CYP2U1: variants seen among roughly 807,000 people sequenced by gnomAD.
CYP2U1 encodes the protein cytochrome P450 2U1.
Under a neutral mutation model 42.8 loss-of-function variants are expected in CYP2U1, and 28 were observed. The ratio of observed to expected loss-of-function variants is 0.65; its 90% confidence interval spans 0.48 to 0.90. The LOEUF (loss-of-function observed/expected upper bound fraction) is 0.90. CYP2U1 is among the 40% of genes least tolerant of loss of function. The pLI, the probability that CYP2U1 is intolerant of heterozygous loss-of-function variation, is 0.00. For synonymous variants in CYP2U1, 296 were observed against 278.9 expected, an observed-to-expected ratio of 1.06 and a Z score of -0.61; for missense variants, 642 against 693.8, an observed-to-expected ratio of 0.93 and a Z score of 0.84.
rs764450466 is a variant in CYP2U1, at chr4:107,945,402, C to G, written c.923C>G (p.Ser308Cys). ...LKKIIKDHQESLDRENPQDFI... is the reference protein window; with the variant it reads ...LKKIIKDHQECLDRENPQDFI... ...AAAATCATCAAAGACCATCAAGAGTCTCTGGATAGAGAGAACCCTCAGGAC... is the reference window on the plus strand; with the variant it reads ...AAAATCATCAAAGACCATCAAGAGTGTCTGGATAGAGAGAACCCTCAGGAC... The change falls in exon 2 of 5, where the codon TCT (serine) becomes TGT (cysteine). Residue 308 changes from serine to cysteine, a missense_variant. Transcript: ENST00000332884. 73 of 1,613,994 alleles carry G rather than the reference C, an allele frequency of 4.5e-5. 1 individual carries two copies. Among genetic ancestry groups the G allele is most frequent in the Non-Finnish European group, 6.2e-5 (73 of 1,179,972 alleles).
At chr4:107,947,862 C>G (rs1314829400) in intron 3 of CYP2U1, among the ~76,000 whole-genome samples, 1 of 152,180 alleles carries the variant, frequency 6.6e-6, no homozygotes, top group Non-Finnish European at 1.5e-5. Context: ...AAAGGCACCT[C>G]TCCCTCCTTT....
chr4:107,931,625 G>C lies in CYP2U1; in HGVS notation c.-19G>C. 4.8e-6 allele frequency: 6 copies of C among 1,252,544 alleles called. No homozygotes were observed. Among genetic ancestry groups the C allele is most frequent in the East Asian group, 3.1e-5 (1 of 31,804 alleles). The allele number at this position is 1,252,544 out of a possible 1,614,324, so 77.6% of individuals were successfully genotyped here. On this transcript the variant is annotated 5_prime_UTR_variant, in exon 1 of 5. Transcript: ENST00000332884. Reference sequence around the variant, plus strand: ...CCTCCAGGCAGCAAGGGGAACCCGAGGCCGCCGGCGCCCGGACCATGTCGT... The same window carrying C: ...CCTCCAGGCAGCAAGGGGAACCCGACGCCGCCGGCGCCCGGACCATGTCGT...
intron 1 of CYP2U1, among the ~76,000 whole-genome samples, chr4:107,943,220 A>C (rs1387779555): frequency 1.3e-5 from 2 of 152,264 alleles, no homozygotes; most frequent in Admixed American, 6.5e-5. Flanking sequence ...TATTCTGAAC[A>C]AATGAGAACA....
At chr4:107,943,418 C>A (rs1733568863) in intron 1 of CYP2U1, among the ~76,000 whole-genome samples, 1 of 152,204 alleles carries the variant, frequency 6.6e-6, no homozygotes, top group Non-Finnish European at 1.5e-5. Context: ...AGAAATTCGC[C>A]TCCCATGCGT....
At chr4:107,943,106 C>T (rs1733555728) in intron 1 of CYP2U1, among the ~76,000 whole-genome samples, 1 of 152,184 alleles carries the variant, frequency 6.6e-6, no homozygotes, top group South Asian at 2.1e-4. Context: ...GCTGCTCTGA[C>T]CCACTGGTAA....
chr4:107,931,601 C>T lies in CYP2U1; in HGVS notation c.-43C>T, dbSNP rs1472062647. On this transcript the variant is annotated 5_prime_UTR_variant, in exon 1 of 5. Transcript: ENST00000332884. ...GGTCAGGCAGCTGCGTGCGCGTCTCCTCCAGGCAGCAAGGGGAACCCGAGG... is the reference window on the plus strand; with the variant it reads ...GGTCAGGCAGCTGCGTGCGCGTCTCTTCCAGGCAGCAAGGGGAACCCGAGG... 2 of 1,244,806 alleles carry T rather than the reference C, an allele frequency of 1.6e-6. No homozygotes were observed. The highest frequency in any genetic ancestry group is 6.3e-5 in the East Asian group (2 of 31,758). 77.1% of individuals were successfully genotyped at this position (1,244,806 alleles called of 1,614,324 possible). A position where few individuals can be genotyped will look rare whatever the true frequency, so the allele number is the denominator to read the frequency against.
At chr4:107,934,364 G>A (rs1733173514) in intron 1 of CYP2U1, among the ~76,000 whole-genome samples, 2 of 152,100 alleles carry the variant, frequency 1.3e-5, no homozygotes, top group South Asian at 2.1e-4. Flanking sequence ...CAGCAGATAT[G>A]TGTGCTACAT....
chr4:107,935,388 T>C (rs1384106097), intron 1 of CYP2U1, among the ~76,000 whole-genome samples: 3 of 152,214 alleles, frequency 2.0e-5, no homozygotes, highest in Non-Finnish European at 1.5e-5. Flanking sequence ...GACAGGATTT[T>C]CTTAGGCAAT....
chr4:107,948,261 CAAAA>C (rs35791632), intron 3 of CYP2U1, among the ~76,000 whole-genome samples: 13 of 95,400 alleles, frequency 1.4e-4, no homozygotes, highest in African/African-American at 2.1e-4. Flanking sequence ...GCCTCTGTCT[CAAAA>C]AAAAAAAAAA....
rs1456736313 is a variant in CYP2U1 at position 107,932,077 on chromosome 4, A to T, written c.434A>T (p.Glu145Val). Residue 145 changes from glutamate (E) to valine (V), a missense_variant, in exon 1 of 5, where the codon GAG becomes GTG. Physicochemically the swap from Glu to Val is moderately radical, Grantham distance 121 (BLOSUM62 -2). Transcript: ENST00000332884. ...CGCGAGGCGCTGGTGCAGCAGGCCG[A>T]GGTCTTCAGCGACCGCCCGCGGGTG... ...SVREALVQQA[E>V]VFSDRPRVPL... 6.3e-7 allele frequency: 1 copy of T among 1,595,150 alleles called. No homozygotes were observed. Among genetic ancestry groups the T allele is most frequent in the Admixed American group, 1.7e-5 (1 of 57,752 alleles).
Position 107,951,875 on chromosome 4 carries a change from T to C in CYP2U1, c.*1452T>C, listed in dbSNP as rs925194925. On this transcript the variant is annotated 3_prime_UTR_variant, in exon 5 of 5. Coordinates refer to ENST00000332884, the MANE Select transcript of CYP2U1 (RefSeq NM_183075.3). ...GGTGGCATACTGTAGTGGATGAAGCTGAGGCTTATAGTAGGTAAGGCACAA... is the reference window on the plus strand; with the variant it reads ...GGTGGCATACTGTAGTGGATGAAGCCGAGGCTTATAGTAGGTAAGGCACAA... 2.0e-5 allele frequency: 3 copies of C among 152,214 alleles called. No homozygotes were observed. The highest frequency in any genetic ancestry group is 4.4e-5 in the Non-Finnish European group (3 of 68,050). The allele number at this position is 152,214 out of a possible 1,614,324, so 9.4% of individuals were successfully genotyped here. A position where few individuals can be genotyped will look rare whatever the true frequency, so the allele number is the denominator to read the frequency against.
rs1178005151 is a variant in CYP2U1, at chr4:107,945,017, TTC to T, written c.543_544del (p.His182PhefsTer12). On this transcript the variant is annotated frameshift_variant, in exon 2 of 5. Coordinates refer to ENST00000332884, the MANE Select transcript of CYP2U1 (RefSeq NM_183075.3). LOFTEE classifies it high-confidence loss of function. Reference sequence around the variant, plus strand: ...TCCCGTCTGGAGACAACAAAGGAAGTTCTCTCATTCAACTCTTCGTCATTTTG... The same window carrying T: ...TCCCGTCTGGAGACAACAAAGGAAGTTCTCATTCAACTCTTCGTCATTTTG... Reference protein sequence around the residue: ...YGPVWRQQRKFSHSTLRHFGL... With the variant: ...YGPVWRQQRKXSHSTLRHFGL... 1.9e-6 allele frequency: 3 copies of T among 1,613,286 alleles called. No homozygotes were observed. The highest frequency in any genetic ancestry group is 1.3e-5 in the African/African-American group (1 of 74,694).
chr4:107,948,792 C>A (rs184896371), intron 3 of CYP2U1, among the ~76,000 whole-genome samples: 1 of 152,094 alleles, frequency 6.6e-6, no homozygotes, highest in East Asian at 1.9e-4. Context: ...TATAGCATGC[C>A]GTTGCTTATA....
At chr4:107,949,247 G>GTGAT (rs1733823373) in intron 3 of CYP2U1, 103 bp from the exon 4 acceptor site, 3 of 1,143,036 alleles carry the variant, frequency 2.6e-6, no homozygotes, top group Non-Finnish European at 1.2e-6. Context: ...GCCAATTAAA[G>GTGAT]TGATAGGTAT....
chr4:107,939,053 C>G (rs1733382247), intron 1 of CYP2U1: 1 of 152,444 alleles, frequency 6.6e-6, no homozygotes. Context: ...GTCCCAGCTA[C>G]TCGAGGCTGA....
At chr4:107,948,066 G>A (rs1733765804) in intron 3 of CYP2U1, among the ~76,000 whole-genome samples, 2 of 152,066 alleles carry the variant, frequency 1.3e-5, no homozygotes, top group Admixed American at 1.3e-4. Flanking sequence ...TCATGAGTTC[G>A]AGACCAGCCT....
intron 1 of CYP2U1, among the ~76,000 whole-genome samples, chr4:107,934,332 C>A (rs1733171771): frequency 6.6e-6 from 1 of 152,166 alleles, no homozygotes; most frequent in South Asian, 2.1e-4. Flanking sequence ...TCTAATCAAT[C>A]CATAAGTCTT....
chr4:107,946,821 C>T (rs1374185154), intron 2 of CYP2U1, among the ~76,000 whole-genome samples: 2 of 152,076 alleles, frequency 1.3e-5, no homozygotes, highest in Non-Finnish European at 2.9e-5. Context: ...CACTGTGACC[C>T]TTCCATAAGG....
In CYP2U1 at chr4:107,931,672, C is replaced by G; in HGVS notation, c.29C>G (p.Pro10Arg). 2 of 1,262,882 alleles carry G rather than the reference C, an allele frequency of 1.6e-6. No homozygotes were observed. The highest frequency in any genetic ancestry group is 2.0e-6 in the Non-Finnish European group (2 of 1,008,598). The allele number at this position is 1,262,882 out of a possible 1,614,324, so 78.2% of individuals were successfully genotyped here. The change falls in exon 1 of 5, where the codon CCG becomes CGG. Residue 10 changes from proline to arginine, a missense_variant. Coordinates refer to ENST00000332884, the MANE Select transcript of CYP2U1 (RefSeq NM_183075.3). ...TCGTCTCCGGGGCCGTCGCAGCCGC[C>G]GGCCGAGGACCCGCCCTGGCCCGCG... MSSPGPSQP[P>R]AEDPPWPARL...
Sources: gnomAD v4.1 joint callset for allele counts (sites outside exome capture counted in the v4.1 genomes callset) on GRCh38, gnomAD v4.1.1 for gene constraint, MANE v1.5 for transcripts, NCBI Gene and HGNC (gene_info 2026-07-23, HGNC 2026-07-21) for gene names.